The following RTN4R variants were observed in gnomAD, a reference collection of about 807,000 sequenced individuals.
RTN4R encodes the protein reticulon-4 receptor.
A neutral mutation model predicts 27.7 loss-of-function variants in RTN4R; 4 were observed. That is an observed-to-expected ratio of 0.14 (90% CI 0.07 to 0.33). RTN4R has a LOEUF of 0.33. Among genes scored for constraint, RTN4R ranks in the 10% least tolerant of loss-of-function variants. The pLI, the probability that RTN4R is intolerant of heterozygous loss-of-function variation, is 1.00. For missense variants in RTN4R, 554 were observed against 671.5 expected, an observed-to-expected ratio of 0.83 and a Z score of 1.93; for synonymous variants, 290 against 305.6, an observed-to-expected ratio of 0.95 and a Z score of 0.53.
Position 20,242,206 on chromosome 22 carries a change from G to C in RTN4R, c.927C>G (p.Cys309Trp). 1 of 1,608,024 alleles carries C rather than the reference G, an allele frequency of 6.2e-7. No homozygotes were observed. The highest frequency in any genetic ancestry group is 1.1e-5 in the South Asian group (1 of 90,422). ...KRLAANDLQG[C>W]AVATGPYHPI... is the part of the protein sequence containing the mutation. ...GATGGTAAGGGCCGGTGGCCACAGC[G>C]CAGCCCTGCAGGTCATTGGCAGCTA... Residue 309 changes from cysteine to tryptophan, a missense_variant, in exon 2 of 2, where the codon TGC (cysteine) becomes TGG (tryptophan). Cys to Trp is a radical substitution (Grantham distance 215). This residue lies in a region of RTN4R where 413 missense variants were observed against 542.3 expected (regional missense o/e 0.76). Transcript: ENST00000043402.
At chr22:20,248,659 G>A (rs1173616993) in intron 1 of RTN4R, among the ~76,000 whole-genome samples, 4 of 152,188 alleles carry the variant, frequency 2.6e-5, no homozygotes, top group Admixed American at 6.5e-5. Flanking sequence ...AGGCACTCAC[G>A]GTCCAGGGCC....
At chr22:20,265,566 ACC>A (rs2051272367) in intron 1 of RTN4R, among the ~76,000 whole-genome samples, 1 of 151,912 alleles carries the variant, frequency 6.6e-6, no homozygotes, top group Admixed American at 6.6e-5. Flanking sequence ...GGTTCCACAG[ACC>A]CCCAGGTGAG....
At chr22:20,244,012 C>T (rs150131112) in intron 1 of RTN4R, among the ~76,000 whole-genome samples, 4 of 152,342 alleles carry the variant, frequency 2.6e-5, no homozygotes, top group East Asian at 1.9e-4. Context: ...TCACCCACTC[C>T]GGAGTAAGCT....
intron 1 of RTN4R, among the ~76,000 whole-genome samples, chr22:20,249,540 C>T (rs1225732757): frequency 1.3e-5 from 2 of 152,212 alleles, no homozygotes; most frequent in South Asian, 2.1e-4. Context: ...GCCAGGAGCA[C>T]AGACTCAGTG....
chr22:20,254,220 G>A (rs2051200112), intron 1 of RTN4R, among the ~76,000 whole-genome samples: 1 of 151,964 alleles, frequency 6.6e-6, no homozygotes, highest in Non-Finnish European at 1.5e-5. Flanking sequence ...CTTGAGGCCA[G>A]GAGTTTGAGA....
rs1046554120 is a variant in RTN4R, at chr22:20,241,446, C to T, written c.*265G>A. The T allele has an allele frequency of 7.7e-5, 42 of 544,796 alleles. No homozygotes were observed. The highest frequency in any genetic ancestry group is 5.3e-4 in the Admixed American group (16 of 30,208). 33.7% of individuals were successfully genotyped at this position (544,796 alleles called of 1,614,324 possible). On this transcript the variant is annotated 3_prime_UTR_variant, in exon 2 of 2. Coordinates refer to ENST00000043402, the MANE Select transcript of RTN4R (RefSeq NM_023004.6). ...AAAGAGCTCTTTATTCCACGTCGTC[C>T]GATATTTTTACACAAGTAAAATAAA...
intron 1 of RTN4R, among the ~76,000 whole-genome samples, chr22:20,244,572 C>A (rs1214504388): frequency 2.0e-5 from 3 of 152,140 alleles, no homozygotes; most frequent in African/African-American, 7.2e-5. Flanking sequence ...GGTCCGGAGG[C>A]CCCTCCCTGG....
chr22:20,250,511 A>G (rs1324159764), intron 1 of RTN4R, among the ~76,000 whole-genome samples: 23 of 152,148 alleles, frequency 1.5e-4, no homozygotes. Flanking sequence ...GACCCCCACT[A>G]ATGAAAAGGA....
chr22:20,243,455 A>C (rs1253601287), intron 1 of RTN4R: 5 of 563,558 alleles, frequency 8.9e-6, no homozygotes, highest in South Asian at 7.7e-5. Flanking sequence ...CCTCCTCAGG[A>C]CTCCAGTGAA....
At chr22:20,266,459 C>T (rs2051277121) in intron 1 of RTN4R, among the ~76,000 whole-genome samples, 1 of 152,274 alleles carries the variant, frequency 6.6e-6, no homozygotes, top group South Asian at 2.1e-4. Flanking sequence ...AAGGTCCTCA[C>T]CATGGAGAAA....
chr22:20,244,436 C>T (rs1245492808), intron 1 of RTN4R, among the ~76,000 whole-genome samples: 4 of 152,210 alleles, frequency 2.6e-5, no homozygotes, highest in African/African-American at 7.2e-5. Context: ...TGGGCATGTG[C>T]GTCCTCCCAG....
Position 20,242,283 on chromosome 22 carries a change from CGGA to C in RTN4R, c.847_849del (p.Ser283del). ...CGTTGCGGGAGGCTGCAGGGCACCT[CGGA>C]GGAGGAGCCGCGGAACTTCTGCAGC... On this transcript the variant is annotated inframe_deletion, in exon 2 of 2. Coordinates refer to ENST00000043402, the MANE Select transcript of RTN4R (RefSeq NM_023004.6). 2 of 1,599,786 alleles carry C rather than the reference CGGA, an allele frequency of 1.3e-6. No individual in the cohort carries two copies. The highest frequency in any genetic ancestry group is 1.7e-6 in the Non-Finnish European group (2 of 1,174,414).
Position 20,242,188 on chromosome 22 carries a change from A to G in RTN4R, c.945T>C (p.Pro315=), listed in dbSNP as rs1473518356. 1 of 1,611,038 alleles carries G rather than the reference A, an allele frequency of 6.2e-7. No individual in the cohort carries two copies. Among genetic ancestry groups the G allele is most frequent in the East Asian group, 2.2e-5 (1 of 44,786 alleles). ...CCCTGCCGGTCCAGATGGGATGGTA[A>G]GGGCCGGTGGCCACAGCGCAGCCCT... ...DLQGCAVATG[P]YHPIWTGRAT... Residue 315 remains proline (P), a synonymous_variant, in exon 2 of 2, where the codon CCT becomes CCC. Coordinates refer to ENST00000043402, the MANE Select transcript of RTN4R (RefSeq NM_023004.6).
At chr22:20,250,156 C>T (rs2033870134) in intron 1 of RTN4R, among the ~76,000 whole-genome samples, 2 of 152,372 alleles carry the variant, frequency 1.3e-5, no homozygotes, top group Admixed American at 1.3e-4. Context: ...CCAGCCAAGG[C>T]CAGAGCTCCG....
At chr22:20,245,074 C>T (rs1171107623) in intron 1 of RTN4R, among the ~76,000 whole-genome samples, 1 of 152,200 alleles carries the variant, frequency 6.6e-6, no homozygotes, top group Non-Finnish European at 1.5e-5. Context: ...TCATGGATCT[C>T]CCTCCCGAAG....
chr22:20,241,823 C>A lies in RTN4R; in HGVS notation c.1310G>T (p.Gly437Val). The A allele has an allele frequency of 6.3e-7, 1 of 1,595,380 alleles. No individual in the cohort carries two copies. Residue 437 changes from glycine to valine, a missense_variant, in exon 2 of 2, where the codon GGG (glycine) becomes GTG (valine). Coordinates refer to ENST00000043402, the MANE Select transcript of RTN4R (RefSeq NM_023004.6). ...TTCTGAGTCACCAGTCCCGCCACCC[C>A]CGCTGCCTGCCTGGCCCAGACGGCA... ...SHCRLGQAGS[G>V]GGGTGDSEGS...
chr22:20,243,581 G>A (rs1057300384), intron 1 of RTN4R: 4 of 431,750 alleles, frequency 9.3e-6, no homozygotes, highest in East Asian at 1.4e-4. Flanking sequence ...TCTCAAAAAC[G>A]GGCGCCTGGA....
At chr22:20,259,679 C>G (rs1267350657) in intron 1 of RTN4R, among the ~76,000 whole-genome samples, 9 of 152,196 alleles carry the variant, frequency 5.9e-5, no homozygotes, top group African/African-American at 2.2e-4. Context: ...GACACTGGAG[C>G]CTCCTCAGCC....
At chr22:20,254,529 G>A (rs1222633952) in intron 1 of RTN4R, among the ~76,000 whole-genome samples, 1 of 150,336 alleles carries the variant, frequency 6.7e-6, no homozygotes, top group East Asian at 1.9e-4. Flanking sequence ...ATAGCTCTGA[G>A]GGGAAACTAA....
Sources: gnomAD v4.1 joint callset for allele counts (sites outside exome capture counted in the v4.1 genomes callset) on GRCh38, gnomAD v4.1.1 for gene constraint, gnomAD v4.1.1 regional missense constraint, MANE v1.5 for transcripts, NCBI Gene and HGNC (gene_info 2026-07-23, HGNC 2026-07-21) for gene names.